The following ARFGEF3 variants were observed in gnomAD, a reference collection of about 807,000 sequenced individuals.
The protein encoded by ARFGEF3 is ARFGEF family member 3.
Under a neutral mutation model 221.7 loss-of-function variants are expected in ARFGEF3, and 96 were observed. That is an observed-to-expected ratio of 0.43 (90% confidence interval 0.37 to 0.51). The LOEUF (loss-of-function observed/expected upper bound fraction) is 0.51, where lower values mean the gene tolerates loss of function less well. Ranked by LOEUF, ARFGEF3 falls within the 20% of genes least tolerant of loss-of-function variation. ARFGEF3 has a pLI of 0.00. For missense variants in ARFGEF3, 2,410 were observed against 2,789.9 expected (o/e 0.86, Z 3.07); for synonymous variants, 1,145 against 1,126.8 (o/e 1.02, Z -0.32).
intron 4 of ARFGEF3, among the ~76,000 whole-genome samples, chr6:138,227,011 C>G (rs903419573): frequency 4.0e-5 from 6 of 151,842 alleles, no homozygotes; most frequent in Non-Finnish European, 8.8e-5. Flanking sequence ...ACTTTCCTTT[C>G]ATTATTTCCT....
At chr6:138,323,448 C>T (rs1057136381) in intron 29 of ARFGEF3, among the ~76,000 whole-genome samples, 2 of 152,036 alleles carry the variant, frequency 1.3e-5, no homozygotes, top group South Asian at 2.1e-4. Context: ...CCCATCTCTA[C>T]TAAAAATACA....
chr6:138,177,232 G>T (rs983558839), intron 2 of ARFGEF3, among the ~76,000 whole-genome samples: 1 of 151,776 alleles, frequency 6.6e-6, no homozygotes, highest in African/African-American at 2.4e-5. Context: ...AGGACTACAG[G>T]CATATGTCAC....
chr6:138,164,614 G>T (rs997719539), intron 1 of ARFGEF3, among the ~76,000 whole-genome samples: 1 of 152,138 alleles, frequency 6.6e-6, no homozygotes, highest in Non-Finnish European at 1.5e-5. Flanking sequence ...TTGGGTGCAA[G>T]AGACAAAAAA....
intron 4 of ARFGEF3, among the ~76,000 whole-genome samples, chr6:138,219,714 C>T (rs1029547352): frequency 1.3e-5 from 2 of 151,942 alleles, no homozygotes; most frequent in African/African-American, 2.4e-5. Context: ...GATGGTCTTA[C>T]GGGACTAATT....
intron 22 of ARFGEF3, among the ~76,000 whole-genome samples, chr6:138,302,911 A>G (rs1779651594): frequency 6.6e-6 from 1 of 152,252 alleles, no homozygotes; most frequent in Non-Finnish European, 1.5e-5. Flanking sequence ...GCTGAAAGAA[A>G]TAACACAGAC....
chr6:138,318,458 T>C (rs1315665038), intron 27 of ARFGEF3, among the ~76,000 whole-genome samples: 1 of 152,226 alleles, frequency 6.6e-6, no homozygotes. Context: ...AAGCAGTTAA[T>C]TGTGGTAAAA....
At position 138,263,542 on chromosome 6, in the gene ARFGEF3, C is replaced by A. The variant is rs778551917; in HGVS notation, c.2059C>A (p.Leu687Ile). The A allele has an allele frequency of 1.9e-6, 3 of 1,613,242 alleles. No homozygotes were observed. The highest frequency in any genetic ancestry group is 2.5e-6 in the Non-Finnish European group (3 of 1,179,818). Residue 687 changes from leucine (L) to isoleucine (I), a missense_variant, in exon 12 of 34, where the codon CTC becomes ATC. Leu to Ile is a conservative substitution (Grantham distance 5). Around this residue, in one of 5 missense-constraint regions of ARFGEF3, gnomAD observed 594 missense variants for 734.3 expected, o/e 0.81. Coordinates refer to ENST00000251691, the MANE Select transcript of ARFGEF3 (RefSeq NM_020340.5). ...IQSLEGLLPR[L>I]LSLSNVEEVD... ...GTCCCTGGAAGGCCTCCTCCCTCGG[C>A]TCCTGTCTCTCTCCAATGTAGAGGA...
intron 2 of ARFGEF3, among the ~76,000 whole-genome samples, chr6:138,193,590 T>C (rs1326051116): frequency 6.6e-6 from 1 of 152,194 alleles, no homozygotes; most frequent in Non-Finnish European, 1.5e-5. Flanking sequence ...TTCTCACAAA[T>C]GGATTATTAG....
At position 138,228,759 on chromosome 6, in the gene ARFGEF3, C is replaced by G. The variant is rs556086416; in HGVS notation, c.352-1025C>G. On this transcript the variant is annotated intron_variant, in intron 4 of 33. Transcript: ENST00000251691. ...CAGTTTCCTGTATTAAGTAAATTTG[C>G]TAGGCTTCCATGCTCCTTCATGAAT... Among the ~76,000 whole-genome samples, 3 of 152,198 alleles carry G rather than the reference C, an allele frequency of 2.0e-5. No homozygotes were observed. The East Asian group carries it at 5.8e-4, about 29-fold the overall frequency.
At chr6:138,177,599 G>A (rs1776979927) in intron 2 of ARFGEF3, among the ~76,000 whole-genome samples, 1 of 152,030 alleles carries the variant, frequency 6.6e-6, no homozygotes, top group Non-Finnish European at 1.5e-5. Flanking sequence ...CTTCCCTCAG[G>A]AATACTGATA....
chr6:138,313,880 A>G lies in ARFGEF3; in HGVS notation c.4286A>G (p.Gln1429Arg). The change falls in exon 26 of 34, where the codon CAG (glutamine) becomes CGG (arginine). Residue 1429 changes from glutamine (Q) to arginine (R), a missense_variant. Physicochemically the swap from Gln to Arg is conservative, Grantham distance 43. Transcript: ENST00000251691. ...LAGLPRRLQE[Q>R]SASSEDGIES... Reference sequence around the variant, plus strand: ...GGCTTGCCTCGAAGACTTCAGGAACAGTCAGCCAGCAGTGAGGATGGAATT... The same window carrying G: ...GGCTTGCCTCGAAGACTTCAGGAACGGTCAGCCAGCAGTGAGGATGGAATT... The G allele has an allele frequency of 6.2e-7, 1 of 1,613,964 alleles. No individual in the cohort carries two copies. Among genetic ancestry groups the G allele is most frequent in the Non-Finnish European group, 8.5e-7 (1 of 1,179,850 alleles).
chr6:138,205,285 C>T (rs1314965012), intron 2 of ARFGEF3, among the ~76,000 whole-genome samples: 1 of 152,126 alleles, frequency 6.6e-6, no homozygotes, highest in African/African-American at 2.4e-5. Flanking sequence ...GGCTATTAGG[C>T]TGTAAGACTT....
In ARFGEF3 at chr6:138,281,035, G is replaced by A. The variant is rs79169537; in HGVS notation, c.2461+871G>A. 5.8e-3 allele frequency among the ~76,000 whole-genome samples: 875 copies of A among 152,122 alleles called. 2 individuals carry two copies. Among genetic ancestry groups the A allele is most frequent in the Non-Finnish European group, 8.1e-3 (553 of 67,998 alleles). On this transcript the variant is annotated intron_variant, in intron 14 of 33. Transcript: ENST00000251691. ...TAGACATTGCAATGGGAATATGCCC[G>A]CCATAGTAAACTATGTGCGTATACA...
Position 138,339,713 on chromosome 6 carries a change from A to G in ARFGEF3, c.*3227A>G, listed in dbSNP as rs1011226365. ...ACATCGGTTTTCACAATTGAACCTC[A>G]TGCACTGTCCACAGCATCTCACCTA... On this transcript the variant is annotated 3_prime_UTR_variant, in exon 34 of 34. Transcript: ENST00000251691. The G allele has an allele frequency of 1.3e-5, 2 of 152,182 alleles. No homozygotes were observed. The highest frequency in any genetic ancestry group is 4.8e-5 in the African/African-American group (2 of 41,438). 9.4% of individuals were successfully genotyped at this position (152,182 alleles called of 1,614,324 possible). A position where few individuals can be genotyped will look rare whatever the true frequency, so the allele number is the denominator to read the frequency against.
chr6:138,271,566 A>C (rs1431388563), intron 12 of ARFGEF3, among the ~76,000 whole-genome samples: 3 of 152,202 alleles, frequency 2.0e-5, no homozygotes, highest in Non-Finnish European at 4.4e-5. Flanking sequence ...CATTTTACAG[A>C]TGAGAAAACT....
chr6:138,298,505 G>T (rs12665341), intron 21 of ARFGEF3, 101 bp from the exon 22 acceptor site: 2 of 846,806 alleles, frequency 2.4e-6, no homozygotes, highest in Non-Finnish European at 3.6e-6. Context: ...CAGAATTGCT[G>T]CTTCCACCTC....
chr6:138,280,585 T>A (rs1298251984), intron 14 of ARFGEF3, among the ~76,000 whole-genome samples: 1 of 152,246 alleles, frequency 6.6e-6, no homozygotes, highest in Admixed American at 6.5e-5. Context: ...GTGCCGTGGC[T>A]CATGCCTATA....
At chr6:138,304,180 C>T (rs896930924) in intron 22 of ARFGEF3, among the ~76,000 whole-genome samples, 2 of 152,090 alleles carry the variant, frequency 1.3e-5, no homozygotes, top group African/African-American at 4.8e-5. Flanking sequence ...AAATGAAGTA[C>T]TGATATATGT....
chr6:138,233,922 C>T (rs748797145), intron 5 of ARFGEF3, among the ~76,000 whole-genome samples: 1 of 152,154 alleles, frequency 6.6e-6, no homozygotes, highest in Admixed American at 6.5e-5. Flanking sequence ...CAGTTGAGAC[C>T]ACTAGAGTGA....
Sources: allele counts gnomAD v4.1 joint callset (sites outside exome capture counted in the v4.1 genomes callset), GRCh38; gene constraint gnomAD v4.1.1; regional missense constraint gnomAD v4.1.1; transcripts MANE v1.5; gene names NCBI Gene and HGNC (gene_info 2026-07-23, HGNC 2026-07-21).